Variants in EPHA6 observed in about 807,000 individuals in gnomAD.
EPHA6 encodes EPH receptor A6, also known as ephrin type-A receptor 6.
In EPHA6, 50 loss-of-function variants were observed where a neutral mutation model predicts 112.0. The ratio of observed to expected loss-of-function variants is 0.45; its 90% CI spans 0.36 to 0.56. EPHA6 has a LOEUF of 0.56. Ranked by LOEUF, EPHA6 falls within the 20% of genes least tolerant of loss-of-function variation. The pLI is 0.00. For missense variants in EPHA6, 1,280 were observed against 1,417.4 expected, an observed-to-expected ratio of 0.90 and a Z score of 1.56; for synonymous variants, 529 against 490.7, an observed-to-expected ratio of 1.08 and a Z score of -1.03.
chr3:97,502,897 T>G (rs959154536), intron 10 of EPHA6, among the ~76,000 whole-genome samples: 1 of 149,176 alleles, frequency 6.7e-6, no homozygotes, highest in Non-Finnish European at 1.5e-5. Context: ...ATGGATTTGC[T>G]TTAGTCTTCA....
intron 12 of EPHA6, among the ~76,000 whole-genome samples, chr3:97,601,121 C>A (rs1199051617): frequency 1.3e-5 from 2 of 152,052 alleles, no homozygotes; most frequent in African/African-American, 4.8e-5. Context: ...CATACCTACT[C>A]CCTAGATATC....
intron 11 of EPHA6, among the ~76,000 whole-genome samples, chr3:97,566,758 T>C (rs1199497597): frequency 6.6e-6 from 1 of 152,214 alleles, no homozygotes; most frequent in Non-Finnish European, 1.5e-5. Context: ...CTCTGCTTTC[T>C]TCAATAATGG....
At chr3:97,493,951 A>G (rs919135285) in intron 10 of EPHA6, among the ~76,000 whole-genome samples, 2 of 152,208 alleles carry the variant, frequency 1.3e-5, no homozygotes, top group African/African-American at 4.8e-5. Flanking sequence ...GTTACTTTTC[A>G]GATAATATGC....
chr3:97,525,683 C>G (rs1015121046), intron 10 of EPHA6, among the ~76,000 whole-genome samples: 7 of 152,122 alleles, frequency 4.6e-5, no homozygotes, highest in African/African-American at 1.7e-4. Flanking sequence ...GATGAGATTA[C>G]CTCTGGGCTC....
Position 97,030,478 on chromosome 3 carries a change from C to G in EPHA6, c.1114+42485C>G, listed in dbSNP as rs184561430. ...AGCCATAGAGCACGGGTTATGTCTC[C>G]CCTACTTCTGTAACCCCTTTAGTCT... is the stretch of plus-strand genomic sequence containing the variant. On this transcript the variant is annotated intron_variant, in intron 3 of 17. Transcript: ENST00000389672. Among the ~76,000 whole-genome samples the G allele has an allele frequency of 1.1e-4, 16 of 152,076 alleles. 2 individuals carry two copies. The highest frequency in any genetic ancestry group is 3.6e-4 in the African/African-American group (15 of 41,542).
chr3:97,033,639 G>C (rs1242577307), intron 3 of EPHA6, among the ~76,000 whole-genome samples: 4 of 151,834 alleles, frequency 2.6e-5, no homozygotes, highest in African/African-American at 9.7e-5. Flanking sequence ...TCTTAACCTA[G>C]TAACAATAAA....
At chr3:97,472,824 G>T (rs923303892) in intron 7 of EPHA6, among the ~76,000 whole-genome samples, 2 of 151,758 alleles carry the variant, frequency 1.3e-5, no homozygotes, top group Admixed American at 6.6e-5. Flanking sequence ...AACCAAAACC[G>T]CTAGATCTAG....
chr3:96,881,874 G>A (rs961004397), intron 2 of EPHA6, among the ~76,000 whole-genome samples: 1 of 152,152 alleles, frequency 6.6e-6, no homozygotes, highest in Non-Finnish European at 1.5e-5. Context: ...ATCCAGCAGG[G>A]CAGTCAAATC....
rs750300622 is a variant in EPHA6 at position 97,226,362 on chromosome 3, C to G, written c.1213C>G (p.Gln405Glu). 7.4e-6 allele frequency: 12 copies of G among 1,613,746 alleles called. No homozygotes were observed. Among genetic ancestry groups the G allele is most frequent in the Non-Finnish European group, 1.0e-5 (12 of 1,179,724 alleles). ...LTYMEATSVC[Q>E]CEKGYFRAEK... ...ATACATGGAAGCAACTTCTGTCTGT[C>G]AGTGTGAAAAGGGTTATTTCCGAGC... The change falls in exon 4 of 18, where the codon CAG becomes GAG. Residue 405 changes from glutamine to glutamate, a missense_variant. Gln to Glu is a conservative substitution (Grantham distance 29). Coordinates refer to ENST00000389672, the MANE Select transcript of EPHA6 (RefSeq NM_001080448.3).
intron 3 of EPHA6, among the ~76,000 whole-genome samples, chr3:97,013,272 A>C (rs908604632): frequency 1.3e-5 from 2 of 152,098 alleles, no homozygotes; most frequent in Non-Finnish European, 2.9e-5. Context: ...TGAGTTAATG[A>C]TTTATATTCT....
chr3:97,208,414 C>T (rs1195714492), intron 3 of EPHA6, among the ~76,000 whole-genome samples: 1 of 151,978 alleles, frequency 6.6e-6, no homozygotes, highest in Non-Finnish European at 1.5e-5. Flanking sequence ...CTCAAAATAT[C>T]ATTATGAAGT....
intron 1 of EPHA6, among the ~76,000 whole-genome samples, chr3:96,845,747 GT>G (rs2035036423): frequency 6.6e-6 from 1 of 152,010 alleles, no homozygotes; most frequent in African/African-American, 2.4e-5. Flanking sequence ...GATATGAAGG[GT>G]AAGATTCCAC....
chr3:97,639,740 G>C (rs549725044), intron 14 of EPHA6, among the ~76,000 whole-genome samples: 68 of 152,122 alleles, frequency 4.5e-4, no homozygotes, highest in Non-Finnish European at 8.8e-4. Context: ...CAGACTCTTG[G>C]CATTTTCTGT....
intron 6 of EPHA6, among the ~76,000 whole-genome samples, chr3:97,436,509 T>C (rs568887692): frequency 1.3e-5 from 2 of 152,258 alleles, no homozygotes; most frequent in African/African-American, 4.8e-5. Flanking sequence ...GGGTAAGGAA[T>C]TCTCATGCTT....
In EPHA6 at chr3:97,759,523, AAG is replaced by A. The variant is rs995501217; in HGVS notation, c.*10828_*10829del. 14 of 230,796 alleles carry A rather than the reference AAG, an allele frequency of 6.1e-5. No individual in the cohort carries two copies. Among genetic ancestry groups the A allele is most frequent in the Admixed American group, 1.1e-4 (2 of 17,720 alleles). The allele number at this position is 230,796 out of a possible 1,614,324, so 14.3% of individuals were successfully genotyped here. ...GCAGACAGGGGAAAACTGATTATGC[AAG>A]AGAGATGATAATTGTAACAAAGGCC... On this transcript the variant is annotated 3_prime_UTR_variant, in exon 18 of 18. Transcript: ENST00000389672.
chr3:97,341,400 G>A (rs1349434427), intron 5 of EPHA6, among the ~76,000 whole-genome samples: 1 of 151,770 alleles, frequency 6.6e-6, no homozygotes, highest in Non-Finnish European at 1.5e-5. Flanking sequence ...CTGTCGCCAG[G>A]CTGGAGTGCA....
chr3:97,532,282 A>T, intron 10 of EPHA6, 76 bp from the exon 11 acceptor site: 1 of 1,267,900 alleles, frequency 7.9e-7, no homozygotes, highest in Non-Finnish European at 1.1e-6. Flanking sequence ...AAAGTATGTC[A>T]CTGTATGACA....
At chr3:97,565,479 C>G (rs909328640) in intron 11 of EPHA6, among the ~76,000 whole-genome samples, 1 of 152,026 alleles carries the variant, frequency 6.6e-6, no homozygotes, top group Non-Finnish European at 1.5e-5. Flanking sequence ...TCAAAATGTA[C>G]CTTGAGTGGA....
intron 3 of EPHA6, among the ~76,000 whole-genome samples, chr3:97,208,824 C>A (rs2077786106): frequency 6.6e-6 from 1 of 151,868 alleles, no homozygotes; most frequent in South Asian, 2.1e-4. Context: ...ACCAATGGTT[C>A]AATGATACAA....
Sources: allele counts gnomAD v4.1 joint callset (sites outside exome capture counted in the v4.1 genomes callset), GRCh38; gene constraint gnomAD v4.1.1; transcripts MANE v1.5; gene names NCBI Gene and HGNC (gene_info 2026-07-23, HGNC 2026-07-21).